Variants in PCSK5 observed in about 807,000 individuals in gnomAD.
PCSK5 encodes the protein prohormone convertase 5.
Under a neutral mutation model 233.2 loss-of-function variants are expected in PCSK5, and 129 were observed. That is an observed-to-expected ratio of 0.55 (90% CI 0.48 to 0.64). The LOEUF is 0.64. PCSK5 is among the 30% of genes least tolerant of loss of function. PCSK5 has a pLI of 0.00. For missense variants in PCSK5, 2,076 were observed against 2,430.1 expected (o/e 0.85, Z 3.06); for synonymous variants, 825 against 879.2 (o/e 0.94, Z 1.09).
At chr9:75,905,567 TA>T (rs1324676889) in intron 1 of PCSK5, among the ~76,000 whole-genome samples, 1 of 152,118 alleles carries the variant, frequency 6.6e-6, no homozygotes, top group Non-Finnish European at 1.5e-5. Flanking sequence ...GTAAACATAC[TA>T]AAAACAATTT....
At chr9:76,334,139 C>T (rs537970677) in intron 34 of PCSK5, among the ~76,000 whole-genome samples, 1 of 152,114 alleles carries the variant, frequency 6.6e-6, no homozygotes, top group South Asian at 2.1e-4. Context: ...CTTATCAAAC[C>T]GTCAGATCTC....
At chr9:76,205,359 G>A (rs1485449129) in intron 20 of PCSK5, among the ~76,000 whole-genome samples, 1 of 152,142 alleles carries the variant, frequency 6.6e-6, no homozygotes, top group Non-Finnish European at 1.5e-5. Context: ...GACCATAGAG[G>A]GCCCTCGTAT....
chr9:76,010,845 A>G (rs1325867479), intron 3 of PCSK5, among the ~76,000 whole-genome samples: 1 of 152,162 alleles, frequency 6.6e-6, no homozygotes, highest in African/African-American at 2.4e-5. Context: ...TGTTGAATTT[A>G]ATTGTGTTAA....
intron 3 of PCSK5, among the ~76,000 whole-genome samples, chr9:75,996,675 T>G (rs1684237096): frequency 6.6e-6 from 1 of 152,216 alleles, no homozygotes; most frequent in Non-Finnish European, 1.5e-5. Context: ...TACAACCTTT[T>G]AAGAATTTGC....
chr9:75,901,004 G>A (rs1826007350), intron 1 of PCSK5, among the ~76,000 whole-genome samples: 1 of 152,078 alleles, frequency 6.6e-6, no homozygotes. Context: ...GGGATAAAAA[G>A]TCCATCTGGA....
At chr9:76,309,475 C>T (rs1587854401) in intron 29 of PCSK5, among the ~76,000 whole-genome samples, 1 of 152,318 alleles carries the variant, frequency 6.6e-6, no homozygotes, top group East Asian at 1.9e-4. Context: ...AGGAGGATCA[C>T]TTGAGGCCAG....
intron 10 of PCSK5, among the ~76,000 whole-genome samples, chr9:76,142,007 C>A (rs2131772385): frequency 6.6e-6 from 1 of 152,040 alleles, no homozygotes; most frequent in East Asian, 1.9e-4. Context: ...GAAAGAGGAG[C>A]AGGAAAAATA....
intron 10 of PCSK5, among the ~76,000 whole-genome samples, chr9:76,154,506 C>G (rs938423778): frequency 2.0e-5 from 3 of 152,078 alleles, no homozygotes; most frequent in Non-Finnish European, 4.4e-5. Flanking sequence ...GGGGCACGTA[C>G]CTGGTATTGC....
At chr9:75,991,406 T>C (rs1265419612) in intron 3 of PCSK5, among the ~76,000 whole-genome samples, 2 of 152,220 alleles carry the variant, frequency 1.3e-5, no homozygotes, top group African/African-American at 4.8e-5. Flanking sequence ...ACCAAGGTTA[T>C]GTGAGCACAG....
intron 2 of PCSK5, among the ~76,000 whole-genome samples, chr9:75,974,229 G>A (rs542614638): frequency 6.6e-6 from 1 of 152,122 alleles, no homozygotes; most frequent in African/African-American, 2.4e-5. Flanking sequence ...CTGGGGCACC[G>A]CTCGCCTTCC....
intron 1 of PCSK5, among the ~76,000 whole-genome samples, chr9:75,924,389 C>T (rs1291769552): frequency 1.3e-5 from 2 of 152,258 alleles, no homozygotes; most frequent in South Asian, 4.1e-4. Flanking sequence ...CATTGTGTGG[C>T]ATTCTACTGC....
chr9:75,982,693 G>T (rs1415934982), intron 2 of PCSK5, among the ~76,000 whole-genome samples: 1 of 144,974 alleles, frequency 6.9e-6, no homozygotes, highest in Non-Finnish European at 1.5e-5. Context: ...ATAGACTTTT[G>T]TTATGGTAAG....
At chr9:76,083,560 T>C (rs1830938832) in intron 7 of PCSK5, among the ~76,000 whole-genome samples, 1 of 152,230 alleles carries the variant, frequency 6.6e-6, no homozygotes. Context: ...CCTGACTCTA[T>C]TGTATTTAGG....
intron 20 of PCSK5, among the ~76,000 whole-genome samples, chr9:76,227,006 A>G (rs1825916594): frequency 6.6e-6 from 1 of 152,144 alleles, no homozygotes. Flanking sequence ...CAATCACCCA[A>G]TGTCAGCCAA....
chr9:75,908,871 CTATT>C lies in PCSK5; in HGVS notation c.192+17502_192+17505del, dbSNP rs1477271636. ...CCGCCATCCATGCATCCTTCTCTTT[CTATT>C]TATCTATCTATCTATCTATCTATCT... On this transcript the variant is annotated intron_variant, in intron 1 of 37. Coordinates refer to ENST00000674117, the MANE Select transcript of PCSK5 (RefSeq NM_001372043.1). Among the ~76,000 whole-genome samples the C allele has an allele frequency of 2.3e-3, 314 of 135,522 alleles. 1 individual carries two copies. Among genetic ancestry groups the C allele is most frequent in the Middle Eastern group, 3.5e-3 (1 of 288 alleles). 88.9% of individuals were successfully genotyped at this position (135,522 alleles called of 152,430 possible). A position where few individuals can be genotyped will look rare whatever the true frequency, so the allele number is the denominator to read the frequency against.
At chr9:76,043,489 T>C (rs1255589932) in intron 5 of PCSK5, among the ~76,000 whole-genome samples, 1 of 152,152 alleles carries the variant, frequency 6.6e-6, no homozygotes, top group African/African-American at 2.4e-5. Context: ...GACTAATTCT[T>C]ATTCTTAGGC....
intron 5 of PCSK5, among the ~76,000 whole-genome samples, chr9:76,058,755 A>G (rs1014354006): frequency 5.3e-5 from 8 of 152,366 alleles, no homozygotes; most frequent in African/African-American, 1.9e-4. Flanking sequence ...TATTAGATAC[A>G]GGATACTGTA....
intron 7 of PCSK5, among the ~76,000 whole-genome samples, chr9:76,078,313 A>G (rs1394293316): frequency 6.6e-6 from 1 of 152,132 alleles, no homozygotes; most frequent in Non-Finnish European, 1.5e-5. Flanking sequence ...TGTTTCTGTC[A>G]CAATTGCTTT....
At chr9:76,338,976 G>A (rs1383616632) in intron 35 of PCSK5, among the ~76,000 whole-genome samples, 1 of 151,636 alleles carries the variant, frequency 6.6e-6, no homozygotes, top group African/African-American at 2.4e-5. Context: ...TTCAAGATCT[G>A]TTGGTACTCT....
Sources: allele counts gnomAD v4.1 joint callset (sites outside exome capture counted in the v4.1 genomes callset), GRCh38; gene constraint gnomAD v4.1.1; transcripts MANE v1.5; gene names NCBI Gene and HGNC (gene_info 2026-07-23, HGNC 2026-07-21).